Variants in STAC3 observed in about 807,000 individuals in gnomAD.
STAC3 encodes SH3 and cysteine rich domain 3, also known as SH3 and cysteine-rich domain-containing protein 3.
In STAC3, 30 loss-of-function variants were observed where a neutral mutation model predicts 48.5. The observed-to-expected ratio is 0.62, with a 90% CI of 0.46 to 0.84. The LOEUF (loss-of-function observed/expected upper bound fraction) is 0.84, where lower values mean the gene tolerates loss of function less well. STAC3 is among the 40% of genes least tolerant of loss of function. The pLI, the probability that STAC3 is intolerant of heterozygous loss-of-function variation, is 0.00. For synonymous variants in STAC3, 144 were observed against 158.6 expected (o/e 0.91, Z 0.69); for missense variants, 419 against 462.6 (o/e 0.91, Z 0.86).
Position 57,248,582 on chromosome 12 carries a change from C to A in STAC3, c.432+124G>T, listed in dbSNP as rs2037819668. 6 of 733,350 alleles carry A rather than the reference C, an allele frequency of 8.2e-6. No individual in the cohort carries two copies. In the South Asian group the frequency reaches 9.3e-5, roughly 11 times the overall value. The allele number at this position is 733,350 out of a possible 1,614,324, so 45.4% of individuals were successfully genotyped here. A position where few individuals can be genotyped will look rare whatever the true frequency, so the allele number is the denominator to read the frequency against. On this transcript the variant is annotated intron_variant, in intron 4 of 11. Coordinates refer to ENST00000332782, the MANE Select transcript of STAC3 (RefSeq NM_145064.3). ...TAGAGACGGGGTTTCACTGTGTTAG[C>A]CAGGATGGTCTCGATCTCCTGACCT...
rs2037662317 is a variant in STAC3 at position 57,243,780 on chromosome 12, T to G, written c.*32A>C. The G allele has an allele frequency of 1.3e-6, 2 of 1,596,842 alleles. No individual in the cohort carries two copies. The highest frequency in any genetic ancestry group is 1.7e-6 in the Non-Finnish European group (2 of 1,165,550). ...CACTGGGCCCGCCCAGAATGGGGTG[T>G]GGGTGTCTCCCGCTTGCAGGCGCCC... On this transcript the variant is annotated 3_prime_UTR_variant, in exon 12 of 12. Coordinates refer to ENST00000332782, the MANE Select transcript of STAC3 (RefSeq NM_145064.3).
intron 1 of STAC3, 36 bp from the exon 2 acceptor site, chr12:57,249,673 C>G (rs1031538986): frequency 6.2e-7 from 1 of 1,609,466 alleles, no homozygotes; most frequent in Non-Finnish European, 8.5e-7. Context: ...AAATCTAATC[C>G]CTTTCATTCT....
intron 8 of STAC3, 111 bp downstream of exon 8, chr12:57,244,805 G>T: frequency 7.0e-7 from 1 of 1,423,156 alleles, no homozygotes; most frequent in Non-Finnish European, 9.9e-7. Context: ...GGTCAGAAGT[G>T]ATGGGAAGCC....
At chr12:57,250,389 CAAAAAAAAAA>C (rs58777318) in intron 1 of STAC3, among the ~76,000 whole-genome samples, 3 of 42,390 alleles carry the variant, frequency 7.1e-5, no homozygotes, top group African/African-American at 2.8e-4. Flanking sequence ...GACTTCGTCT[CAAAAAAAAAA>C]AAAAAAAAAA....
chr12:57,247,579 C>T (rs2037780598), intron 5 of STAC3, among the ~76,000 whole-genome samples: 1 of 151,956 alleles, frequency 6.6e-6, no homozygotes, highest in South Asian at 2.1e-4. Context: ...GGACTACAGG[C>T]GCCTGCCACC....
chr12:57,248,426 T>G (rs991871839), intron 4 of STAC3: 17 of 563,046 alleles, frequency 3.0e-5, no homozygotes, highest in Non-Finnish European at 5.4e-5. Flanking sequence ...TCACCCAGGC[T>G]GGAGTGCAGT....
chr12:57,244,661 T>TA, intron 8 of STAC3, 39 bp from the exon 9 acceptor site: 2 of 1,605,302 alleles, frequency 1.2e-6, no homozygotes, highest in Non-Finnish European at 1.7e-6. Context: ...AGGGCTCCTC[T>TA]ACCCCACACT....
In STAC3 at chr12:57,248,298, G is replaced by C. The variant is rs544994441; in HGVS notation, c.433-100C>G. ...CACCCTTTCTCAGAAAAAGAGATGG[G>C]CTGAGAAAGAAAAAGCAGAGAAATG... On this transcript the variant is annotated intron_variant, in intron 4 of 11. Transcript: ENST00000332782. 104 of 998,094 alleles carry C rather than the reference G, an allele frequency of 1.0e-4. 1 individual carries two copies. In the African/African-American group the frequency reaches 1.4e-3, roughly 14 times the overall value. The allele number at this position is 998,094 out of a possible 1,614,324, so 61.8% of individuals were successfully genotyped here. A position where few individuals can be genotyped will look rare whatever the true frequency, so the allele number is the denominator to read the frequency against.
chr12:57,249,464 G>A, intron 2 of STAC3, 107 bp downstream of exon 2: 2 of 1,520,858 alleles, frequency 1.3e-6, no homozygotes, highest in Non-Finnish European at 9.0e-7. Flanking sequence ...GCAGGTGCTG[G>A]CCAGCAAAAA....
At chr12:57,245,712 C>G (rs2136825745) in intron 6 of STAC3, among the ~76,000 whole-genome samples, 1 of 152,176 alleles carries the variant, frequency 6.6e-6, no homozygotes, top group Non-Finnish European at 1.5e-5. Context: ...GTGGGTCACC[C>G]ACATTCTGCT....
rs145283556 is a variant in STAC3 at position 57,248,163 on chromosome 12, G to A, written c.468C>T (p.Leu156=). 6.2e-7 allele frequency: 1 copy of A among 1,614,156 alleles called. No individual in the cohort carries two copies. Among genetic ancestry groups the A allele is most frequent in the Non-Finnish European group, 8.5e-7 (1 of 1,179,988 alleles). ...CACAAGCGTACTGCTGGTTGCTGTA[G>A]AGTGGGGAACTATAGGCCCGATGGA... ...PGFHRAYSSP[L]YSNQQYACVK... is the part of the protein sequence containing the mutation. Residue 156 remains leucine (L), a synonymous_variant, in exon 5 of 12, where the codon CTC becomes CTT. Coordinates refer to ENST00000332782, the MANE Select transcript of STAC3 (RefSeq NM_145064.3).
chr12:57,249,800 G>A (rs966212197), intron 1 of STAC3, 163 bp from the exon 2 acceptor site: 41 of 710,796 alleles, frequency 5.8e-5, no homozygotes, highest in Non-Finnish European at 8.8e-5. Context: ...CTGTCACCCA[G>A]GCTGGAGTGC....
intron 3 of STAC3, 54 bp from the exon 4 acceptor site, chr12:57,248,857 G>A (rs1268269398): frequency 6.5e-7 from 1 of 1,541,424 alleles, no homozygotes; most frequent in Non-Finnish European, 9.0e-7. Context: ...CTTTCCCTTT[G>A]TACCACTGCT....
rs761719479 is a variant in STAC3 at position 57,246,885 on chromosome 12, A to C, written c.522T>G (p.Asn174Lys). 1 of 1,613,758 alleles carries C rather than the reference A, an allele frequency of 6.2e-7. No homozygotes were observed. The highest frequency in any genetic ancestry group is 1.3e-5 in the African/African-American group (1 of 74,918). Residue 174 changes from asparagine to lysine, a missense_variant, in exon 6 of 12, where the codon AAT (asparagine) becomes AAG (lysine). Physicochemically the swap from Asn to Lys is moderately conservative, Grantham distance 94. Transcript: ENST00000332782. ...TGCGCAGGGTTTCAAACACAGGATCATTGCGATTGGCAGCAGCTAATCGAA... is the reference window on the plus strand; with the variant it reads ...TGCGCAGGGTTTCAAACACAGGATCCTTGCGATTGGCAGCAGCTAATCGAA... The part of the protein sequence containing the change: ...CVKDLSAANR[N>K]DPVFETLRTG...
In STAC3 at chr12:57,248,913, T is replaced by C. The variant is rs117235520; in HGVS notation, c.335-110A>G. On this transcript the variant is annotated intron_variant, in intron 3 of 11. Transcript: ENST00000332782. ...TCTGTCTGGGACCCTACTTGCTCAA[T>C]CTCTAATAGCATTGCCTTACACCAA... 2,327 of 1,533,778 alleles carry C rather than the reference T, an allele frequency of 1.5e-3. 67 individuals carry two copies. The East Asian group carries it at 0.041, about 27-fold the overall frequency.
At chr12:57,245,846 A>T (rs975580846) in intron 6 of STAC3, among the ~76,000 whole-genome samples, 1 of 151,256 alleles carries the variant, frequency 6.6e-6, no homozygotes, top group East Asian at 2.0e-4. Flanking sequence ...GCGGTGGCTT[A>T]TGCTTGTAAT....
intron 5 of STAC3, 86 bp from the exon 6 acceptor site, chr12:57,246,987 GATGGATACCCA>G: frequency 7.6e-7 from 1 of 1,318,520 alleles, no homozygotes; most frequent in Non-Finnish European, 1.1e-6. Flanking sequence ...GGATTGAGTA[GATGGATACCCA>G]TGTGTGTGTT....
Position 57,247,602 on chromosome 12 carries a change from T to C in STAC3, c.505+524A>G, listed in dbSNP as rs1188959653. Among the ~76,000 whole-genome samples the C allele has an allele frequency of 2.0e-5, 3 of 151,640 alleles. No individual in the cohort carries two copies. In the East Asian group the frequency reaches 5.8e-4, roughly 29 times the overall value. ...GGCGCCTGCCACCACGCCCGGCTAA[T>C]TTTTGTGTGTTTTTAGTAGAGACGG... On this transcript the variant is annotated intron_variant, in intron 5 of 11. Coordinates refer to ENST00000332782, the MANE Select transcript of STAC3 (RefSeq NM_145064.3).
At chr12:57,246,655 G>C (rs1188792777) in intron 6 of STAC3, 149 bp downstream of exon 6, 1 of 672,964 alleles carries the variant, frequency 1.5e-6, no homozygotes, top group Non-Finnish European at 2.5e-6. Flanking sequence ...CAAAGTGCTG[G>C]GATTACAGGC....
Sources: allele counts gnomAD v4.1 joint callset (sites outside exome capture counted in the v4.1 genomes callset), GRCh38; gene constraint gnomAD v4.1.1; transcripts MANE v1.5; gene names NCBI Gene and HGNC (gene_info 2026-07-23, HGNC 2026-07-21).